Variants in MAF observed in about 807,000 individuals in gnomAD.
MAF encodes MAF bZIP transcription factor.
In MAF, 10 loss-of-function variants were observed where a neutral mutation model predicts 22.0. The observed-to-expected ratio is 0.45, with a 90% CI of 0.28 to 0.77. MAF has a LOEUF of 0.77. Ranked by LOEUF, MAF falls within the 30% of genes least tolerant of loss-of-function variation. The probability of loss-of-function intolerance (pLI) is 0.12; values close to 1 mark genes in which losing one functional copy is unlikely to be tolerated. For missense variants in MAF, 544 were observed against 548.4 expected (o/e 0.99, Z 0.08); for synonymous variants, 337 against 255.8 (o/e 1.32, Z -3.03).
chr16:79,507,590 A>G, the MAF span, among the ~76,000 whole-genome samples: 8 of 151,126 alleles, frequency 5.3e-5, no homozygotes, highest in African/African-American at 1.9e-4. Context: ...ATGCCTGGCT[A>G]ATTTTTTTGT....
the MAF span, among the ~76,000 whole-genome samples, chr16:79,281,482 T>A: frequency 6.6e-6 from 1 of 151,834 alleles, no homozygotes; most frequent in Non-Finnish European, 1.5e-5. Context: ...AAAAGGTTTG[T>A]AATTCAGTTG....
the MAF span, among the ~76,000 whole-genome samples, chr16:79,396,500 A>G: frequency 1.3e-5 from 2 of 152,178 alleles, no homozygotes; most frequent in African/African-American, 4.8e-5. Flanking sequence ...TCCTTGACCC[A>G]CTAACAATAT....
chr16:79,483,063 T>C, the MAF span, among the ~76,000 whole-genome samples: 1 of 11,478 alleles, frequency 8.7e-5, no homozygotes, highest in Non-Finnish European at 1.6e-4. Flanking sequence ...CCCATCCTCC[T>C]CTCCCCTCCA....
chr16:79,362,674 T>A, the MAF span, among the ~76,000 whole-genome samples: 7 of 152,278 alleles, frequency 4.6e-5, no homozygotes, highest in African/African-American at 1.7e-4. Context: ...CTAATAAGCC[T>A]CTAAAAACCC....
chr16:79,340,160 G>T, the MAF span, among the ~76,000 whole-genome samples: 1 of 151,970 alleles, frequency 6.6e-6, no homozygotes, highest in African/African-American at 2.4e-5. Context: ...CGGAGGAGGA[G>T]GTGATTTTAT....
the MAF span, among the ~76,000 whole-genome samples, chr16:79,254,118 T>G: frequency 2.0e-5 from 3 of 152,168 alleles, no homozygotes; most frequent in African/African-American, 7.2e-5. Context: ...GTAAAAGTAA[T>G]TCATATGCCT....
the MAF span, among the ~76,000 whole-genome samples, chr16:79,533,424 C>T: frequency 3.3e-5 from 5 of 152,294 alleles, no homozygotes; most frequent in South Asian, 8.3e-4. Flanking sequence ...ATTAATACTA[C>T]AGCTTGCTGC....
At chr16:79,598,440 TGGGGCGGG>T in intron 1 of MAF, 1 of 260,968 alleles carries the variant, frequency 3.8e-6, no homozygotes, top group Non-Finnish European at 6.2e-6. Context: ...AGTCCGGGGG[TGGGGCGGG>T]GGGGTGTAAA....
the MAF span, among the ~76,000 whole-genome samples, chr16:79,236,175 T>C: frequency 1.3e-5 from 2 of 152,080 alleles, no homozygotes; most frequent in Admixed American, 6.6e-5. Flanking sequence ...CTTCCTGGTG[T>C]CTCTCCTCGC....
chr16:79,441,062 C>T, the MAF span, among the ~76,000 whole-genome samples: 3 of 152,196 alleles, frequency 2.0e-5, no homozygotes, highest in Non-Finnish European at 4.4e-5. Context: ...GGTGAAATAT[C>T]TTATCAGAAT....
chr16:79,487,771 G>C, the MAF span, among the ~76,000 whole-genome samples: 1 of 152,256 alleles, frequency 6.6e-6, no homozygotes. Context: ...CAGGACCCTG[G>C]GTGACTCTGG....
At chr16:79,358,664 G>C in the MAF span, among the ~76,000 whole-genome samples, 2 of 152,364 alleles carry the variant, frequency 1.3e-5, no homozygotes, top group East Asian at 3.9e-4. Context: ...GGGCTTTACA[G>C]ATACCTGACA....
the MAF span, among the ~76,000 whole-genome samples, chr16:79,355,801 G>A: frequency 2.0e-5 from 3 of 152,258 alleles, no homozygotes; most frequent in African/African-American, 7.2e-5. Context: ...GGCTATGGGC[G>A]GCGTGTGGGG....
At chr16:79,262,808 A>C in the MAF span, among the ~76,000 whole-genome samples, 4 of 152,196 alleles carry the variant, frequency 2.6e-5, no homozygotes, top group South Asian at 8.3e-4. Flanking sequence ...ACATTCTAGA[A>C]AATATTAGAG....
the MAF span, among the ~76,000 whole-genome samples, chr16:79,479,206 A>G: frequency 6.6e-6 from 1 of 152,086 alleles, no homozygotes; most frequent in African/African-American, 2.4e-5. Context: ...TACCTATATC[A>G]TATCTTAGTG....
chr16:79,465,459 G>T, the MAF span, among the ~76,000 whole-genome samples: 6 of 152,080 alleles, frequency 3.9e-5, no homozygotes. Context: ...TGGGTGTGGT[G>T]ATGTGTGCCT....
the MAF span, among the ~76,000 whole-genome samples, chr16:79,329,624 G>A: frequency 2.0e-5 from 3 of 152,076 alleles, no homozygotes; most frequent in Non-Finnish European, 4.4e-5. Context: ...ATCAGTCACG[G>A]TGTCTTCCCC....
chr16:79,555,858 A>C, the MAF span, among the ~76,000 whole-genome samples: 1 of 152,244 alleles, frequency 6.6e-6, no homozygotes, highest in Non-Finnish European at 1.5e-5. Flanking sequence ...TGAGGGTCTC[A>C]AGAATTTGGG....
the MAF span, among the ~76,000 whole-genome samples, chr16:79,244,266 G>A: frequency 3.3e-5 from 5 of 152,072 alleles, no homozygotes; most frequent in South Asian, 1.0e-3. Context: ...GGAACAGAGG[G>A]AGTCAAATTG....
Sources: allele counts gnomAD v4.1 joint callset (sites outside exome capture counted in the v4.1 genomes callset), GRCh38; gene constraint gnomAD v4.1.1; transcripts MANE v1.5; gene names NCBI Gene and HGNC (gene_info 2026-07-23, HGNC 2026-07-21).